Variants in ADGRA1 observed in about 807,000 individuals in gnomAD.
ADGRA1 encodes G-protein coupled receptor 123.
ADGRA1 carries 12 observed loss-of-function variants against 21.3 expected under a neutral mutation model. The ratio of observed to expected loss-of-function variants is 0.56; its 90% CI spans 0.36 to 0.91. The LOEUF (loss-of-function observed/expected upper bound fraction) is 0.91. ADGRA1 is among the 40% of genes least tolerant of loss of function. ADGRA1 has a pLI of 0.01. For missense variants in ADGRA1, 790 were observed against 805.6 expected (o/e 0.98, Z 0.23); for synonymous variants, 385 against 368.8 (o/e 1.04, Z -0.50).
chr10:133,111,166 C>G (rs1382933200), intron 5 of ADGRA1, among the ~76,000 whole-genome samples: 1 of 148,224 alleles, frequency 6.7e-6, no homozygotes, highest in Non-Finnish European at 1.5e-5. Flanking sequence ...ACCAGACCAC[C>G]TGCCCGCCGT....
chr10:133,095,874 G>A (rs549127024), intron 2 of ADGRA1: 46 of 1,457,720 alleles, frequency 3.2e-5, no homozygotes, highest in South Asian at 2.3e-4. Context: ...AGGCCCGGCC[G>A]GCTGCCTCCT....
intron 5 of ADGRA1, among the ~76,000 whole-genome samples, chr10:133,118,459 G>C (rs116961103): frequency 6.6e-6 from 1 of 152,124 alleles, no homozygotes; most frequent in Non-Finnish European, 1.5e-5. Context: ...TGACTGGGAG[G>C]CCTCAGGAAA....
At chr10:133,088,680 G>A in intron 1 of ADGRA1, 28 bp from the exon 2 acceptor site, 1 of 1,217,124 alleles carries the variant, frequency 8.2e-7, no homozygotes, top group Non-Finnish European at 1.0e-6. Flanking sequence ...CCCTCCGCCC[G>A]CCCCGCTGAC....
Position 133,119,115 on chromosome 10 carries a change from G to A in ADGRA1, c.402-8118G>A, listed in dbSNP as rs115369611. 4.2e-3 allele frequency among the ~76,000 whole-genome samples: 639 copies of A among 152,224 alleles called. 3 individuals carry two copies. Among genetic ancestry groups the A allele is most frequent in the African/African-American group, 0.014 (597 of 41,532 alleles). On this transcript the variant is annotated intron_variant, in intron 5 of 6. Coordinates refer to ENST00000392607, the MANE Select transcript of ADGRA1 (RefSeq NM_001083909.3). ...TCACATCACACTTGCACGCACACCC[G>A]CAAAGCACCCCACATGGAGCACAGC...
At chr10:133,104,596 C>T (rs1851860070) in intron 5 of ADGRA1, among the ~76,000 whole-genome samples, 2 of 152,130 alleles carry the variant, frequency 1.3e-5, no homozygotes. Context: ...CCTGGAGACC[C>T]CCATCCTCCA....
At chr10:133,120,256 T>A (rs1183411626) in intron 5 of ADGRA1, among the ~76,000 whole-genome samples, 1 of 152,064 alleles carries the variant, frequency 6.6e-6, no homozygotes, top group African/African-American at 2.4e-5. Context: ...ATACAAAAAA[T>A]TAGCTGGGCG....
At chr10:133,088,170 AG>A in intron 1 of ADGRA1, 32 bp downstream of exon 1, 1 of 911,778 alleles carries the variant, frequency 1.1e-6, no homozygotes, top group Non-Finnish European at 1.3e-6. Flanking sequence ...GGGCGGCGGG[AG>A]GGACGCGCGG....
In ADGRA1 at chr10:133,113,278, G is replaced by A. The variant is rs1325072489; in HGVS notation, c.401+10436G>A. 7.2e-5 allele frequency among the ~76,000 whole-genome samples: 11 copies of A among 152,178 alleles called. No homozygotes were observed. In the East Asian group the frequency reaches 1.3e-3, roughly 19 times the overall value. On this transcript the variant is annotated intron_variant, in intron 5 of 6. Transcript: ENST00000392607. ...GTCAGTTATTTGGGGTCTGTGGGCC[G>A]TGTTTCGGTTTGGAAGTCCAATGGC...
intron 2 of ADGRA1, chr10:133,093,150 G>A (rs1851632052): frequency 6.3e-7 from 1 of 1,596,178 alleles, no homozygotes; most frequent in African/African-American, 1.3e-5. Flanking sequence ...AGTCGGAGCT[G>A]CAGACCTGGC....
chr10:133,088,044 G>A lies in ADGRA1; in HGVS notation c.-297G>A. The A allele has an allele frequency of 2.0e-6, 2 of 985,152 alleles. No homozygotes were observed. Among genetic ancestry groups the A allele is most frequent in the Non-Finnish European group, 2.4e-6 (2 of 829,844 alleles). The allele number at this position is 985,152 out of a possible 1,614,324, so 61.0% of individuals were successfully genotyped here. A position where few individuals can be genotyped will look rare whatever the true frequency, so the allele number is the denominator to read the frequency against. ...CGGTCCCAGCTCGGCCGCTGCCCTC[G>A]CGAATGGAGAGCGGGTCCCCGGCGG... On this transcript the variant is annotated 5_prime_UTR_variant, in exon 1 of 7. Coordinates refer to ENST00000392607, the MANE Select transcript of ADGRA1 (RefSeq NM_001083909.3).
intron 2 of ADGRA1, 129 bp from the exon 3 acceptor site, chr10:133,096,845 T>G: frequency 7.4e-5 from 86 of 1,169,676 alleles, no homozygotes; most frequent in Non-Finnish European, 8.9e-5. Context: ...CCCCCTTCCC[T>G]GAGACCCCAC....
At chr10:133,090,981 G>A (rs1329528866) in intron 2 of ADGRA1, among the ~76,000 whole-genome samples, 2 of 152,216 alleles carry the variant, frequency 1.3e-5, no homozygotes, top group Non-Finnish European at 2.9e-5. Flanking sequence ...CCTGTCCAGT[G>A]GTTAAAGCTG....
Position 133,103,581 on chromosome 10 carries a change from G to T in ADGRA1, c.401+739G>T, listed in dbSNP as rs149815471. Among the ~76,000 whole-genome samples the T allele has an allele frequency of 5.0e-3, 766 of 152,342 alleles. 11 individuals carry two copies. Among genetic ancestry groups the T allele is most frequent in the African/African-American group, 0.018 (730 of 41,596 alleles). On this transcript the variant is annotated intron_variant, in intron 5 of 6. Coordinates refer to ENST00000392607, the MANE Select transcript of ADGRA1 (RefSeq NM_001083909.3). Reference sequence around the variant, plus strand: ...GGGAACCATGGGCCTGCCTAGGGGGGCGGACACAGCCCATGATGGCACAGA... The same window carrying T: ...GGGAACCATGGGCCTGCCTAGGGGGTCGGACACAGCCCATGATGGCACAGA...
chr10:133,116,563 C>T (rs1366156002), intron 5 of ADGRA1, among the ~76,000 whole-genome samples: 2 of 152,026 alleles, frequency 1.3e-5, no homozygotes, highest in Non-Finnish European at 2.9e-5. Context: ...CAGCTGCCCC[C>T]CAGCACACCC....
chr10:133,095,047 A>G (rs983672517), intron 2 of ADGRA1, among the ~76,000 whole-genome samples: 13 of 152,168 alleles, frequency 8.5e-5, no homozygotes, highest in African/African-American at 3.1e-4. Flanking sequence ...GCCCCCATGC[A>G]TCGTCTCCTG....
intron 2 of ADGRA1, among the ~76,000 whole-genome samples, chr10:133,096,442 G>A (rs1851690108): frequency 2.6e-5 from 4 of 152,194 alleles, no homozygotes; most frequent in Admixed American, 2.0e-4. Context: ...TCCGGTCCAG[G>A]TCTGTTGGTG....
chr10:133,126,454 C>T (rs572961958), intron 5 of ADGRA1, among the ~76,000 whole-genome samples: 8 of 152,102 alleles, frequency 5.3e-5, no homozygotes, highest in Admixed American at 2.0e-4. Flanking sequence ...TCGCAGGAGC[C>T]GGGGAGACAG....
intron 5 of ADGRA1, among the ~76,000 whole-genome samples, chr10:133,123,184 C>T (rs1852307910): frequency 2.0e-5 from 3 of 152,200 alleles, no homozygotes; most frequent in Non-Finnish European, 2.9e-5. Flanking sequence ...GCAGGGGCCC[C>T]GCGAGTCCCT....
chr10:133,128,456 G>C lies in ADGRA1; in HGVS notation c.628G>C (p.Glu210Gln). 1.9e-6 allele frequency: 3 copies of C among 1,596,042 alleles called. No individual in the cohort carries two copies. Among genetic ancestry groups the C allele is most frequent in the Non-Finnish European group, 2.6e-6 (3 of 1,172,804 alleles). The change falls in exon 7 of 7, where the codon GAG becomes CAG. Residue 210 changes from glutamate (E) to glutamine (Q), a missense_variant. Glu to Gln is a conservative substitution (Grantham distance 29). Transcript: ENST00000392607. The part of the protein sequence containing the change: ...QLRRHPGRRY[E>Q]LRTQPEEQRR... ...GCGGCGCCACCCAGGGCGCAGGTAC[G>C]AGCTGCGCACACAGCCCGAGGAGCA... is the stretch of plus-strand genomic sequence containing the variant.
Sources: allele counts gnomAD v4.1 joint callset (sites outside exome capture counted in the v4.1 genomes callset), GRCh38; gene constraint gnomAD v4.1.1; transcripts MANE v1.5; gene names NCBI Gene and HGNC (gene_info 2026-07-23, HGNC 2026-07-21).